TMC5: variants seen among roughly 807,000 people sequenced by gnomAD.
The protein encoded by TMC5 is transmembrane channel-like protein 5.
TMC5 carries 86 observed loss-of-function variants against 110.5 expected under a neutral mutation model. That is an observed-to-expected ratio of 0.78 (90% CI 0.65 to 0.93). The LOEUF is 0.93. TMC5 is among the 40% of genes least tolerant of loss of function. The pLI, the probability that TMC5 is intolerant of heterozygous loss-of-function variation, is 0.00. For missense variants in TMC5, 1,144 were observed against 1,222.8 expected (o/e 0.94, Z 0.96); for synonymous variants, 455 against 439.5 (o/e 1.04, Z -0.44).
intron 2 of TMC5, among the ~76,000 whole-genome samples, chr16:19,438,239 G>GA (rs1409674038): frequency 6.6e-6 from 1 of 150,894 alleles, no homozygotes; most frequent in Non-Finnish European, 1.5e-5. Context: ...TACAGAAAAT[G>GA]AAAAAATTAG....
intron 5 of TMC5, among the ~76,000 whole-genome samples, chr16:19,459,917 C>CA (rs34853313): frequency 0.099 from 9,451 of 95,630 alleles, 780 homozygotes; most frequent in African/African-American, 0.17. Flanking sequence ...GATCCTGTCT[C>CA]AAAAAAAAAA....
chr16:19,481,813 C>T (rs181476886), intron 15 of TMC5, among the ~76,000 whole-genome samples: 1 of 152,194 alleles, frequency 6.6e-6, no homozygotes, highest in East Asian at 1.9e-4. Flanking sequence ...ACCTTACTTC[C>T]AATGTGATGG....
At chr16:19,427,594 G>T (rs1374256364) in intron 1 of TMC5, among the ~76,000 whole-genome samples, 1 of 152,154 alleles carries the variant, frequency 6.6e-6, no homozygotes, top group Admixed American at 6.6e-5. Context: ...GGCATAGAAA[G>T]TTCTGTTGGA....
At chr16:19,440,880 T>C in intron 3 of TMC5, 54 bp downstream of exon 3, 1 of 1,540,274 alleles carries the variant, frequency 6.5e-7, no homozygotes. Flanking sequence ...TGCTGAATCA[T>C]TAAGTCAATG....
chr16:19,456,075 C>T (rs1375025263), intron 5 of TMC5, among the ~76,000 whole-genome samples: 3 of 151,702 alleles, frequency 2.0e-5, no homozygotes, highest in East Asian at 1.9e-4. Context: ...GGCATGGTGG[C>T]GGGCGCCTGT....
At chr16:19,438,705 C>T (rs1175999125) in intron 2 of TMC5, among the ~76,000 whole-genome samples, 1 of 152,128 alleles carries the variant, frequency 6.6e-6, no homozygotes, top group Non-Finnish European at 1.5e-5. Context: ...CGAGATTGCA[C>T]CACTGCACTC....
At chr16:19,475,237 C>T (rs1371435585) in intron 12 of TMC5, among the ~76,000 whole-genome samples, 1 of 152,080 alleles carries the variant, frequency 6.6e-6, no homozygotes, top group African/African-American at 2.4e-5. Flanking sequence ...GCCTGGCCAA[C>T]ATGGTGAAAC....
chr16:19,465,420 ACTACTAGG>A (rs1025090075), intron 8 of TMC5, among the ~76,000 whole-genome samples: 44 of 152,092 alleles, frequency 2.9e-4, no homozygotes, highest in African/African-American at 1.0e-3. Context: ...TGTAATCCCC[ACTACTAGG>A]CAAGCTGAGG....
At chr16:19,470,116 A>G (rs1471457587) in intron 10 of TMC5, among the ~76,000 whole-genome samples, 3 of 150,940 alleles carry the variant, frequency 2.0e-5, no homozygotes, top group East Asian at 1.9e-4. Context: ...GGATGGTCTC[A>G]ATCTCCTGAC....
chr16:19,492,915 GAT>G (rs772226428), intron 19 of TMC5, among the ~76,000 whole-genome samples: 8 of 42,766 alleles, frequency 1.9e-4, no homozygotes, highest in Admixed American at 4.0e-4. Context: ...TTAAAACTTA[GAT>G]ATATATATAT....
chr16:19,445,700 C>T (rs1967598494), intron 4 of TMC5, among the ~76,000 whole-genome samples: 1 of 151,928 alleles, frequency 6.6e-6, no homozygotes, highest in Admixed American at 6.6e-5. Flanking sequence ...GAACAAGAGA[C>T]CCAAGTGCTG....
chr16:19,486,114 G>A, intron 15 of TMC5, among the ~76,000 whole-genome samples: 1 of 152,220 alleles, frequency 6.6e-6, no homozygotes, highest in East Asian at 1.9e-4. Context: ...AATTTGCTGG[G>A]ATGGAAGCAG....
intron 3 of TMC5, 115 bp from the exon 4 acceptor site, chr16:19,443,966 T>C (rs1967551352): frequency 9.2e-7 from 1 of 1,090,258 alleles, no homozygotes; most frequent in Non-Finnish European, 1.3e-6. Context: ...GATAAATGGA[T>C]GGATAAATAA....
intron 5 of TMC5, among the ~76,000 whole-genome samples, chr16:19,450,919 A>G (rs895178153): frequency 6.6e-6 from 1 of 152,192 alleles, no homozygotes; most frequent in African/African-American, 2.4e-5. Context: ...GAAGCTCTCT[A>G]AGGATCACTG....
At position 19,456,724 on chromosome 16, in the gene TMC5, C is replaced by T. The variant is rs762163716; in HGVS notation, c.1049-3511C>T. On this transcript the variant is annotated intron_variant, in intron 5 of 21. Transcript: ENST00000542583. ...GGCAGGAGATGCTGTCCGATGACCACGTGAATGAAATCATCATACAGGTTG... is the reference window on the plus strand; with the variant it reads ...GGCAGGAGATGCTGTCCGATGACCATGTGAATGAAATCATCATACAGGTTG... 4.0e-5 allele frequency: 65 copies of T among 1,609,758 alleles called. No individual in the cohort carries two copies. The East Asian group carries it at 5.8e-4, about 14-fold the overall frequency.
chr16:19,458,921 C>T (rs1367719132), intron 5 of TMC5, among the ~76,000 whole-genome samples: 4 of 152,180 alleles, frequency 2.6e-5, no homozygotes, highest in African/African-American at 9.7e-5. Context: ...CAGCCACCCT[C>T]GGCACGGTAT....
intron 5 of TMC5, among the ~76,000 whole-genome samples, chr16:19,455,877 A>C (rs1451353384): frequency 6.6e-6 from 1 of 152,160 alleles, no homozygotes; most frequent in African/African-American, 2.4e-5. Context: ...CTGTAAACCC[A>C]TGTGGATTTC....
chr16:19,448,591 C>T (rs529894138), intron 4 of TMC5, among the ~76,000 whole-genome samples: 133 of 150,384 alleles, frequency 8.8e-4, no homozygotes, highest in African/African-American at 3.2e-3. Context: ...TGCACTCCAG[C>T]CTAGGTGACA....
chr16:19,422,690 G>A (rs772232245), intron 1 of TMC5, among the ~76,000 whole-genome samples: 1 of 152,116 alleles, frequency 6.6e-6, no homozygotes, highest in African/African-American at 2.4e-5. Flanking sequence ...GCCGGGCCCA[G>A]TGGCTCACCC....
Sources: gnomAD v4.1 joint callset for allele counts (sites outside exome capture counted in the v4.1 genomes callset) on GRCh38, gnomAD v4.1.1 for gene constraint, MANE v1.5 for transcripts, NCBI Gene and HGNC (gene_info 2026-07-23, HGNC 2026-07-21) for gene names.